CACNG7: variants seen among roughly 807,000 people sequenced by gnomAD.
CACNG7 encodes voltage-dependent calcium channel gamma-7 subunit.
In CACNG7, 9 loss-of-function variants were observed where a neutral mutation model predicts 26.3. The ratio of observed to expected loss-of-function variants is 0.34; its 90% CI spans 0.21 to 0.60. CACNG7 has a LOEUF of 0.60. Ranked by LOEUF, CACNG7 falls within the 20% of genes least tolerant of loss-of-function variation. The pLI, the probability that CACNG7 is intolerant of heterozygous loss-of-function variation, is 0.81. For missense variants in CACNG7, 297 were observed against 380.4 expected (o/e 0.78, Z 1.82); for synonymous variants, 170 against 157.0 (o/e 1.08, Z -0.62).
At chr19:53,932,865 G>A (rs575001637) in intron 4 of CACNG7, among the ~76,000 whole-genome samples, 4 of 137,218 alleles carry the variant, frequency 2.9e-5, no homozygotes, top group East Asian at 2.1e-4. Flanking sequence ...ACTGAGTTCC[G>A]CTCTTGTCGT....
At chr19:53,937,665 A>T (rs1012511843) in intron 4 of CACNG7, among the ~76,000 whole-genome samples, 1 of 142,400 alleles carries the variant, frequency 7.0e-6, no homozygotes, top group Non-Finnish European at 1.5e-5. Flanking sequence ...ATCTTGACTC[A>T]TTGCAACCTC....
intron 4 of CACNG7, among the ~76,000 whole-genome samples, chr19:53,915,868 A>G (rs186653419): frequency 2.0e-5 from 3 of 152,346 alleles, no homozygotes; most frequent in Admixed American, 2.0e-4. Flanking sequence ...TAGAGCTGGG[A>G]ATGAAACTCA....
chr19:53,937,430 T>C (rs1387349916), intron 4 of CACNG7, among the ~76,000 whole-genome samples: 1 of 152,220 alleles, frequency 6.6e-6, no homozygotes, highest in Non-Finnish European at 1.5e-5. Flanking sequence ...CAAAAGAGTG[T>C]GCTGTGAAGC....
At chr19:53,938,975 G>T (rs2069121741) in intron 4 of CACNG7, among the ~76,000 whole-genome samples, 1 of 149,128 alleles carries the variant, frequency 6.7e-6, no homozygotes, top group Non-Finnish European at 1.5e-5. Flanking sequence ...AAACAAAAAA[G>T]GCCGGGTGTG....
chr19:53,909,802 GGTAC>G lies in CACNG7; in HGVS notation c.-30+287_-30+290del, dbSNP rs752767324. ...GAGGCCGGGTCCCTGAGGAAGGCGA[GGTAC>G]GGGGCGAGGGCGGAGGACCCAGGCC... On this transcript the variant is annotated intron_variant, in intron 1 of 5. Transcript: ENST00000391767. This position sits in a 1 kb window ranked among gnomAD's most constrained non-coding sequence, Gnocchi z 5.1. Among the ~76,000 whole-genome samples, 38 of 152,172 alleles carry G rather than the reference GGTAC, an allele frequency of 2.5e-4. No individual in the cohort carries two copies. The highest frequency in any genetic ancestry group is 5.1e-4 in the Non-Finnish European group (35 of 68,042).
intron 1 of CACNG7, among the ~76,000 whole-genome samples, chr19:53,910,801 G>A (rs1229539661): frequency 1.3e-5 from 2 of 152,162 alleles, no homozygotes; most frequent in South Asian, 2.1e-4. Flanking sequence ...GGGATCTCCT[G>A]TTTGGAGTCT....
intron 4 of CACNG7, among the ~76,000 whole-genome samples, chr19:53,931,751 A>C (rs2069073830): frequency 6.7e-6 from 1 of 148,408 alleles, no homozygotes; most frequent in Admixed American, 6.7e-5. Context: ...TGTTTTTAAC[A>C]ACGCTGACTT....
intron 4 of CACNG7, among the ~76,000 whole-genome samples, chr19:53,935,956 A>G (rs1308487301): frequency 6.6e-6 from 1 of 150,918 alleles, no homozygotes; most frequent in Non-Finnish European, 1.5e-5. Flanking sequence ...CTATCTTTTT[A>G]CTGTTACTTT....
intron 4 of CACNG7, among the ~76,000 whole-genome samples, chr19:53,933,736 A>G (rs920150611): frequency 6.6e-6 from 1 of 151,322 alleles, no homozygotes; most frequent in African/African-American, 2.4e-5. Flanking sequence ...TATTACATCA[A>G]GAGACACAGA....
At chr19:53,931,196 T>C (rs1392102971) in intron 4 of CACNG7, among the ~76,000 whole-genome samples, 1 of 152,064 alleles carries the variant, frequency 6.6e-6, no homozygotes, top group Non-Finnish European at 1.5e-5. Context: ...ATCTTGTCTC[T>C]AAATAAATAA....
intron 4 of CACNG7, among the ~76,000 whole-genome samples, chr19:53,936,855 C>A (rs960881509): frequency 1.3e-5 from 2 of 152,102 alleles, no homozygotes; most frequent in Non-Finnish European, 2.9e-5. Context: ...GTGATCTGCC[C>A]ACCTTGGCCT....
chr19:53,928,163 C>A (rs2069046192), intron 4 of CACNG7, among the ~76,000 whole-genome samples: 1 of 152,098 alleles, frequency 6.6e-6, no homozygotes, highest in Non-Finnish European at 1.5e-5. Context: ...ATAAGAATGA[C>A]TTACTACAAA....
intron 4 of CACNG7, among the ~76,000 whole-genome samples, chr19:53,934,151 C>T (rs1387223909): frequency 1.3e-5 from 2 of 152,210 alleles, no homozygotes; most frequent in Non-Finnish European, 2.9e-5. Context: ...CCCACCTCAG[C>T]CTCCCAAAGT....
At chr19:53,914,951 A>C (rs2068885465) in intron 3 of CACNG7, among the ~76,000 whole-genome samples, 1 of 151,222 alleles carries the variant, frequency 6.6e-6, no homozygotes. Context: ...GCAGTGAGCC[A>C]AGATTTCACC....
At chr19:53,926,272 C>T (rs150400205) in intron 4 of CACNG7, among the ~76,000 whole-genome samples, 4 of 152,232 alleles carry the variant, frequency 2.6e-5, no homozygotes, top group African/African-American at 9.6e-5. Flanking sequence ...AGATCTCTGA[C>T]CTCATCTCCT....
At chr19:53,925,671 G>A (rs1046517323) in intron 4 of CACNG7, among the ~76,000 whole-genome samples, 2 of 152,248 alleles carry the variant, frequency 1.3e-5, no homozygotes, top group Admixed American at 1.3e-4. Context: ...AAGGGCTCAG[G>A]CAGGAGGATT....
chr19:53,929,482 A>C (rs889123225), intron 4 of CACNG7, among the ~76,000 whole-genome samples: 1 of 152,016 alleles, frequency 6.6e-6, no homozygotes, highest in Non-Finnish European at 1.5e-5. Context: ...TTTGAGATGG[A>C]GTCTCGCTCT....
chr19:53,923,879 C>G (rs75528615), intron 4 of CACNG7, among the ~76,000 whole-genome samples: 26 of 59,094 alleles, frequency 4.4e-4, no homozygotes, highest in Admixed American at 4.0e-3. Flanking sequence ...TTGCCCCAGG[C>G]CTGGTCATTG....
intron 4 of CACNG7, among the ~76,000 whole-genome samples, chr19:53,933,391 C>T (rs1442001810): frequency 6.6e-6 from 1 of 151,454 alleles, no homozygotes; most frequent in African/African-American, 2.4e-5. Context: ...CCTCTGCCTC[C>T]CAGGTTCATG....
Sources: allele counts gnomAD v4.1 joint callset (sites outside exome capture counted in the v4.1 genomes callset), GRCh38; gene constraint gnomAD v4.1.1; non-coding constraint Gnocchi (gnomAD v3.1); transcripts MANE v1.5; gene names NCBI Gene and HGNC (gene_info 2026-07-23, HGNC 2026-07-21).